The following SCLT1 variants were observed in gnomAD, a reference collection of about 807,000 sequenced individuals.
SCLT1 encodes sodium channel-associated protein 1.
In SCLT1, 78 loss-of-function variants were observed where a neutral mutation model predicts 112.8. That is an observed-to-expected ratio of 0.69 (90% CI 0.58 to 0.83). The LOEUF is 0.83. SCLT1 is among the 40% of genes least tolerant of loss of function. The pLI, the probability that SCLT1 is intolerant of heterozygous loss-of-function variation, is 0.00. For missense variants in SCLT1, 747 were observed against 770.4 expected (o/e 0.97, Z 0.36); for synonymous variants, 257 against 254.7 (o/e 1.01, Z -0.09).
chr4:129,057,474 T>C lies in SCLT1; in HGVS notation c.103-13423A>G, dbSNP rs1749519466. Among the ~76,000 whole-genome samples the C allele has an allele frequency of 2.0e-5, 3 of 149,760 alleles. No individual in the cohort carries two copies. The South Asian group carries it at 6.3e-4, about 32-fold the overall frequency. ...TAGCTAGGACTACAGGCGTGCGCCA[T>C]CATGCCCAGCTAATAAGAATTAATA... On this transcript the variant is annotated intron_variant, in intron 2 of 20. Transcript: ENST00000281142.
intron 3 of SCLT1, among the ~76,000 whole-genome samples, chr4:128,877,404 G>A (rs953537249): frequency 5.9e-5 from 9 of 152,218 alleles, no homozygotes; most frequent in East Asian, 1.9e-4. Flanking sequence ...ACACATGGCC[G>A]GGTGCAGTGG....
At chr4:129,066,698 C>T (rs1037232977) in intron 2 of SCLT1, among the ~76,000 whole-genome samples, 2 of 151,978 alleles carry the variant, frequency 1.3e-5, no homozygotes, top group Non-Finnish European at 1.5e-5. Flanking sequence ...GCAATAGTTA[C>T]AGTACATAAA....
chr4:129,057,296 A>C (rs528447614), intron 2 of SCLT1, among the ~76,000 whole-genome samples: 1 of 151,510 alleles, frequency 6.6e-6, no homozygotes, highest in African/African-American at 2.4e-5. Flanking sequence ...ATTTCCTTTT[A>C]TTGTGCCTTT....
chr4:129,006,407 G>C (rs866113235), intron 5 of SCLT1, among the ~76,000 whole-genome samples: 4 of 151,728 alleles, frequency 2.6e-5, no homozygotes, highest in African/African-American at 9.7e-5. Flanking sequence ...GCATGGTGGC[G>C]TGTGCCTGTA....
chr4:128,914,033 T>C (rs1031667992), intron 18 of SCLT1, among the ~76,000 whole-genome samples: 2 of 152,212 alleles, frequency 1.3e-5, no homozygotes, highest in African/African-American at 4.8e-5. Flanking sequence ...CAGCTATTTC[T>C]AAAGCACTGG....
intron 18 of SCLT1, among the ~76,000 whole-genome samples, chr4:128,926,969 G>A (rs1001329658): frequency 3.3e-5 from 5 of 151,218 alleles, no homozygotes; most frequent in African/African-American, 1.2e-4. Flanking sequence ...TCCAAATATT[G>A]GGGAAAAAAG....
At chr4:129,002,657 T>C (rs912403153) in intron 6 of SCLT1, among the ~76,000 whole-genome samples, 1 of 152,150 alleles carries the variant, frequency 6.6e-6, no homozygotes, top group Non-Finnish European at 1.5e-5. Context: ...AGAAGATATT[T>C]ATGCAGGCAA....
chr4:128,931,163 TG>T (rs1390431753), intron 18 of SCLT1, among the ~76,000 whole-genome samples: 1 of 150,666 alleles, frequency 6.6e-6, no homozygotes, highest in Non-Finnish European at 1.5e-5. Flanking sequence ...AGAAGGTTTT[TG>T]GGGGGTTGGA....
intron 5 of SCLT1, among the ~76,000 whole-genome samples, chr4:129,022,111 A>G (rs886611769): frequency 5.9e-5 from 9 of 151,720 alleles, no homozygotes; most frequent in African/African-American, 1.9e-4. Flanking sequence ...AACATAAAAG[A>G]CCCCCCCACA....
At chr4:129,014,930 G>A (rs1465726602) in intron 5 of SCLT1, among the ~76,000 whole-genome samples, 3 of 152,156 alleles carry the variant, frequency 2.0e-5, no homozygotes, top group Non-Finnish European at 2.9e-5. Context: ...GACTACGTGG[G>A]TGGTCGTGCA....
chr4:129,009,527 A>AG (rs35887548), intron 5 of SCLT1, among the ~76,000 whole-genome samples: 13,219 of 151,730 alleles, frequency 0.087, 762 homozygotes, highest in South Asian at 0.15. Flanking sequence ...AAGAAAAAAA[A>AG]AAAAAAAAGA....
chr4:129,088,496 C>G (rs1049776919), intron 1 of SCLT1, among the ~76,000 whole-genome samples: 2 of 152,168 alleles, frequency 1.3e-5, no homozygotes, highest in Non-Finnish European at 2.9e-5. Flanking sequence ...CTGTTCAATA[C>G]TGTACCAGAG....
chr4:129,021,055 A>T (rs1745425307), intron 5 of SCLT1, among the ~76,000 whole-genome samples: 3 of 152,208 alleles, frequency 2.0e-5, no homozygotes, highest in Admixed American at 2.0e-4. Context: ...TGAGGTACTC[A>T]GTTCATCTCA....
chr4:128,938,396 A>G (rs1737390221), intron 17 of SCLT1, among the ~76,000 whole-genome samples: 1 of 152,206 alleles, frequency 6.6e-6, no homozygotes, highest in Non-Finnish European at 1.5e-5. Context: ...TTTCTCAAAT[A>G]GTACACATGC....
chr4:129,070,119 G>A (rs1169989787), intron 2 of SCLT1, among the ~76,000 whole-genome samples: 1 of 152,138 alleles, frequency 6.6e-6, no homozygotes, highest in Non-Finnish European at 1.5e-5. Flanking sequence ...CTTAATCATA[G>A]TGGATTATCT....
chr4:128,896,686 C>T (rs926448751), intron 18 of SCLT1, among the ~76,000 whole-genome samples: 20 of 152,080 alleles, frequency 1.3e-4, no homozygotes, highest in Non-Finnish European at 2.6e-4. Flanking sequence ...ATGACTTTGA[C>T]GAGTTGAGAG....
rs781497718 is a variant in SCLT1 at position 129,093,424 on chromosome 4, G to A, written c.-321C>T. The A allele has an allele frequency of 9.9e-5, 33 of 334,610 alleles. No homozygotes were observed. Among genetic ancestry groups the A allele is most frequent in the Admixed American group, 3.7e-4 (8 of 21,630 alleles). 20.7% of individuals were successfully genotyped at this position (334,610 alleles called of 1,614,324 possible). On this transcript the variant is annotated 5_prime_UTR_variant, in exon 1 of 21. Coordinates refer to ENST00000281142, the MANE Select transcript of SCLT1 (RefSeq NM_144643.4). ...ACTCTGGGTCTCGTCGGGCCACCTAGGAGAGTGCCGCGGGAGCTTGACGGC... is the reference window on the plus strand; with the variant it reads ...ACTCTGGGTCTCGTCGGGCCACCTAAGAGAGTGCCGCGGGAGCTTGACGGC...
intron 4 of SCLT1, chr4:129,039,938 C>A: frequency 2.2e-6 from 1 of 454,632 alleles, no homozygotes; most frequent in Admixed American, 3.3e-5. Flanking sequence ...ACACAAAACC[C>A]TGAATTTACA....
At chr4:129,041,028 T>C (rs73847388) in intron 4 of SCLT1, among the ~76,000 whole-genome samples, 2,142 of 152,284 alleles carry the variant, frequency 0.014, 52 homozygotes, top group African/African-American at 0.046. Context: ...ATGAATCAGA[T>C]TGTAAAAAAT....
Sources: gnomAD v4.1 joint callset for allele counts (sites outside exome capture counted in the v4.1 genomes callset) on GRCh38, gnomAD v4.1.1 for gene constraint, MANE v1.5 for transcripts, NCBI Gene and HGNC (gene_info 2026-07-23, HGNC 2026-07-21) for gene names.